Variants in FCHSD2 observed in about 807,000 individuals in gnomAD.
The protein encoded by FCHSD2 is FCH and double SH3 domains 2.
Under a neutral mutation model 108.1 loss-of-function variants are expected in FCHSD2, and 38 were observed. That is an observed-to-expected ratio of 0.35 (90% CI 0.27 to 0.46). The LOEUF is 0.46. Among genes scored for constraint, FCHSD2 ranks in the 20% least tolerant of loss-of-function variants. The pLI is 1.00. For synonymous variants in FCHSD2, 279 were observed against 314.7 expected (o/e 0.89, Z 1.20); for missense variants, 751 against 897.8 (o/e 0.84, Z 2.09).
intron 5 of FCHSD2, among the ~76,000 whole-genome samples, chr11:72,991,006 G>A (rs1485851121): frequency 3.3e-5 from 5 of 151,948 alleles, no homozygotes; most frequent in Admixed American, 2.0e-4. Flanking sequence ...TCAAACAGAC[G>A]CAATAAAAAA....
In FCHSD2 at chr11:72,841,497, A is replaced by T. The variant is rs369315223; in HGVS notation, c.2013T>A (p.Asp671Glu). Residue 671 changes from aspartate (D) to glutamate (E), a missense_variant, in exon 18 of 20, where the codon GAT (aspartate) becomes GAA (glutamate). Coordinates refer to ENST00000409418, the MANE Select transcript of FCHSD2 (RefSeq NM_014824.3). ...QPPSSPYPSP[D>E]KRSSLYFPRS... ...GGGGAAAGTACAGGGAGCTCCTCTT[A>T]TCTGGGCTGGGGTAGGGGCTGCTGG... The T allele has an allele frequency of 1.8e-4, 290 of 1,611,050 alleles. No individual in the cohort carries two copies. The highest frequency in any genetic ancestry group is 2.4e-4 in the Non-Finnish European group (283 of 1,178,852).
chr11:72,943,275 G>A (rs942962834), intron 8 of FCHSD2, among the ~76,000 whole-genome samples: 1 of 152,192 alleles, frequency 6.6e-6, no homozygotes, highest in African/African-American at 2.4e-5. Context: ...TTACAGGCAT[G>A]ACCTACTTTG....
At chr11:73,053,316 A>G (rs909545337) in intron 3 of FCHSD2, among the ~76,000 whole-genome samples, 1 of 151,930 alleles carries the variant, frequency 6.6e-6, no homozygotes. Context: ...TCTACAACCT[A>G]TTCATTGAGA....
intron 1 of FCHSD2, among the ~76,000 whole-genome samples, chr11:73,140,666 T>A (rs1334102230): frequency 6.6e-6 from 1 of 152,216 alleles, no homozygotes; most frequent in Admixed American, 6.5e-5. Flanking sequence ...TGACAGCGCA[T>A]CAAATCACAA....
rs545787717 is a variant in FCHSD2 at position 73,054,448 on chromosome 11, C to T, written c.165+29247G>A. On this transcript the variant is annotated intron_variant, in intron 3 of 19. Coordinates refer to ENST00000409418, the MANE Select transcript of FCHSD2 (RefSeq NM_014824.3). ...GATAGGGAATGATGGGCATGTAAAC[C>T]CTTCAATGTAGTCTCTGTCTCTTGG... 3.3e-5 allele frequency among the ~76,000 whole-genome samples: 5 copies of T among 152,030 alleles called. No homozygotes were observed. In the East Asian group the frequency reaches 9.7e-4, roughly 29 times the overall value.
chr11:72,903,618 A>G (rs148167254), intron 9 of FCHSD2, among the ~76,000 whole-genome samples: 15 of 152,240 alleles, frequency 9.9e-5, no homozygotes, highest in Non-Finnish European at 1.2e-4. Context: ...ATACCTTGGG[A>G]AAGAGTGGAA....
chr11:72,860,388 C>G (rs569264935), intron 13 of FCHSD2, among the ~76,000 whole-genome samples: 1 of 151,834 alleles, frequency 6.6e-6, no homozygotes, highest in East Asian at 1.9e-4. Context: ...TACTGGGTTA[C>G]AAAACAAAGC....
intron 3 of FCHSD2, among the ~76,000 whole-genome samples, chr11:73,022,431 G>A (rs1423609587): frequency 2.0e-5 from 3 of 152,156 alleles, no homozygotes; most frequent in African/African-American, 4.8e-5. Flanking sequence ...ACAATACAAC[G>A]TCAATATTCC....
intron 8 of FCHSD2, among the ~76,000 whole-genome samples, chr11:72,948,671 C>CT (rs11400132): frequency 0.99 from 144,659 of 146,220 alleles, 71,553 homozygotes; most frequent in East Asian, 1. Flanking sequence ...ATTTTCATTT[C>CT]TTTTTTTTTT....
intron 9 of FCHSD2, among the ~76,000 whole-genome samples, chr11:72,907,274 T>G (rs564832304): frequency 2.0e-5 from 3 of 152,352 alleles, no homozygotes; most frequent in South Asian, 4.1e-4. Flanking sequence ...TCATGTCATC[T>G]GCAAAAAGAC....
rs192305686 is a variant in FCHSD2, at chr11:72,919,472, A to T, written c.828+2356T>A. On this transcript the variant is annotated intron_variant, in intron 9 of 19. Coordinates refer to ENST00000409418, the MANE Select transcript of FCHSD2 (RefSeq NM_014824.3). ...TACAAGCTAAAGAGAATATAGTAGAAGATCATGGAAAGCACTATGTGTGAG... is the reference window on the plus strand; with the variant it reads ...TACAAGCTAAAGAGAATATAGTAGATGATCATGGAAAGCACTATGTGTGAG... Among the ~76,000 whole-genome samples the T allele has an allele frequency of 8.6e-4, 131 of 152,340 alleles. 1 individual carries two copies. Among genetic ancestry groups the T allele is most frequent in the South Asian group, 6.2e-3 (30 of 4,834 alleles).
rs934274407 is a variant in FCHSD2, at chr11:73,141,722, G to C, written c.21+135C>G. The C allele has an allele frequency of 2.2e-6, 2 of 924,088 alleles. 1 individual carries two copies. The highest frequency in any genetic ancestry group is 3.4e-5 in the South Asian group (2 of 58,012). 57.2% of individuals were successfully genotyped at this position (924,088 alleles called of 1,614,324 possible). A position where few individuals can be genotyped will look rare whatever the true frequency, so the allele number is the denominator to read the frequency against. On this transcript the variant is annotated intron_variant, in intron 1 of 19. Coordinates refer to ENST00000409418, the MANE Select transcript of FCHSD2 (RefSeq NM_014824.3). Reference sequence around the variant, plus strand: ...CGCGCGCCCCCCACCTGGAGCCGGCGGCAAGTCGGTGACAAGCCCAAGACG... The same window carrying C: ...CGCGCGCCCCCCACCTGGAGCCGGCCGCAAGTCGGTGACAAGCCCAAGACG...
chr11:73,137,937 A>G (rs890672715), intron 2 of FCHSD2, among the ~76,000 whole-genome samples: 1 of 152,238 alleles, frequency 6.6e-6, no homozygotes, highest in African/African-American at 2.4e-5. Context: ...AAGGCCACAG[A>G]GGAGTGATCT....
intron 2 of FCHSD2, among the ~76,000 whole-genome samples, chr11:73,084,675 T>A (rs548306068): frequency 4.6e-5 from 7 of 152,398 alleles, no homozygotes; most frequent in Admixed American, 3.3e-4. Flanking sequence ...ATTACTGGCA[T>A]GGGCCAACGT....
At position 73,064,102 on chromosome 11, in the gene FCHSD2, C is replaced by A. The variant is rs548915910; in HGVS notation, c.165+19593G>T. ...CATAACAGTCTCTCAGGCCACAGTGCAATCAAACTAGAACTCAGGATTAAG... is the reference window on the plus strand; with the variant it reads ...CATAACAGTCTCTCAGGCCACAGTGAAATCAAACTAGAACTCAGGATTAAG... On this transcript the variant is annotated intron_variant, in intron 3 of 19. Transcript: ENST00000409418. Among the ~76,000 whole-genome samples, 4 of 152,234 alleles carry A rather than the reference C, an allele frequency of 2.6e-5. No homozygotes were observed. In the South Asian group the frequency reaches 8.3e-4, roughly 32 times the overall value.
chr11:73,009,776 T>C (rs549986337), intron 4 of FCHSD2, among the ~76,000 whole-genome samples: 3 of 152,240 alleles, frequency 2.0e-5, no homozygotes, highest in South Asian at 2.1e-4. Flanking sequence ...AGTAGTCTCA[T>C]AGCAGTTCCT....
chr11:73,093,787 T>C (rs534661050), intron 2 of FCHSD2, among the ~76,000 whole-genome samples: 89 of 151,170 alleles, frequency 5.9e-4, no homozygotes, highest in Non-Finnish European at 9.9e-4. Context: ...GTATTTTTAG[T>C]AGAGACAGGG....
intron 2 of FCHSD2, among the ~76,000 whole-genome samples, chr11:73,115,909 A>C (rs1442381027): frequency 1.3e-5 from 2 of 152,252 alleles, no homozygotes; most frequent in African/African-American, 4.8e-5. Context: ...TCATGGCAAC[A>C]TGTAGATTAA....
chr11:73,052,243 A>G (rs538786680), intron 3 of FCHSD2, among the ~76,000 whole-genome samples: 25 of 152,340 alleles, frequency 1.6e-4, no homozygotes, highest in African/African-American at 5.5e-4. Flanking sequence ...AAAAATTATA[A>G]GTCAATAAAC....
Sources: gnomAD v4.1 joint callset for allele counts (sites outside exome capture counted in the v4.1 genomes callset) on GRCh38, gnomAD v4.1.1 for gene constraint, MANE v1.5 for transcripts, NCBI Gene and HGNC (gene_info 2026-07-23, HGNC 2026-07-21) for gene names.